OLA1: variants seen among roughly 807,000 people sequenced by gnomAD.
OLA1 encodes the protein Obg like ATPase 1.
A neutral mutation model predicts 48.4 loss-of-function variants in OLA1; 14 were observed. The ratio of observed to expected loss-of-function variants is 0.29; its 90% CI spans 0.19 to 0.45. The LOEUF (loss-of-function observed/expected upper bound fraction) is 0.45. OLA1 is among the 20% of genes least tolerant of loss of function. OLA1 has a pLI of 1.00. For synonymous variants in OLA1, 127 were observed against 150.4 expected, an observed-to-expected ratio of 0.84 and a Z score of 1.14; for missense variants, 325 against 467.1, an observed-to-expected ratio of 0.70 and a Z score of 2.80.
At chr2:174,118,181 C>T (rs78305664) in intron 7 of OLA1, among the ~76,000 whole-genome samples, 78 of 152,276 alleles carry the variant, frequency 5.1e-4, no homozygotes, top group African/African-American at 1.8e-3. Context: ...CCCCTGCGGT[C>T]CAATCGTCTC....
intron 4 of OLA1, among the ~76,000 whole-genome samples, chr2:174,184,342 C>A (rs1574535254): frequency 6.6e-6 from 1 of 152,142 alleles, no homozygotes; most frequent in Admixed American, 6.5e-5. Context: ...GTGAAGTATA[C>A]TTTACCTCTA....
intron 4 of OLA1, among the ~76,000 whole-genome samples, chr2:174,155,794 T>C (rs1183662506): frequency 6.6e-6 from 1 of 150,630 alleles, no homozygotes; most frequent in Non-Finnish European, 1.5e-5. Context: ...TGAATCAGGA[T>C]TAAGGAGGGA....
chr2:174,148,173 G>A (rs2105386106), intron 4 of OLA1, among the ~76,000 whole-genome samples: 1 of 152,312 alleles, frequency 6.6e-6, no homozygotes, highest in Non-Finnish European at 1.5e-5. Context: ...GATAACCTGA[G>A]GTCAGGAGTT....
intron 4 of OLA1, among the ~76,000 whole-genome samples, chr2:174,145,754 TG>T (rs1310671986): frequency 6.6e-6 from 1 of 152,224 alleles, no homozygotes; most frequent in Non-Finnish European, 1.5e-5. Flanking sequence ...GCCAAAAATG[TG>T]AGTAATTATG....
At chr2:174,218,697 G>A (rs1031090362) in intron 4 of OLA1, among the ~76,000 whole-genome samples, 4 of 152,156 alleles carry the variant, frequency 2.6e-5, no homozygotes, top group Non-Finnish European at 5.9e-5. Flanking sequence ...AAACTTCAGC[G>A]AAAACTCTAA....
chr2:174,223,343 T>C (rs1332187722), intron 3 of OLA1, among the ~76,000 whole-genome samples, 183 bp from the exon 4 acceptor site: 2 of 152,216 alleles, frequency 1.3e-5, no homozygotes, highest in Non-Finnish European at 2.9e-5. Context: ...GTAATACATT[T>C]GGACTTTCTT....
intron 4 of OLA1, among the ~76,000 whole-genome samples, chr2:174,219,423 CTTTTTTTTT>C (rs372577919): frequency 1.1e-5 from 1 of 94,928 alleles, no homozygotes; most frequent in African/African-American, 4.4e-5. Flanking sequence ...TTTTATTTCC[CTTTTTTTTT>C]TTTTTTTTTT....
chr2:174,129,953 T>G (rs1486501199), intron 5 of OLA1, among the ~76,000 whole-genome samples: 3 of 152,164 alleles, frequency 2.0e-5, no homozygotes, highest in African/African-American at 7.2e-5. Context: ...ATGAACTGAC[T>G]TATGCTGGTT....
intron 7 of OLA1, among the ~76,000 whole-genome samples, chr2:174,103,502 G>A (rs1261277512): frequency 6.6e-6 from 1 of 152,158 alleles, no homozygotes; most frequent in Non-Finnish European, 1.5e-5. Flanking sequence ...GACAGTATGT[G>A]CTAACCCTGG....
At chr2:174,097,413 A>T (rs1302613258) in intron 7 of OLA1, among the ~76,000 whole-genome samples, 1 of 152,188 alleles carries the variant, frequency 6.6e-6, no homozygotes, top group Non-Finnish European at 1.5e-5. Context: ...CATACATAAA[A>T]CTTTTTTAGG....
At chr2:174,102,251 C>G (rs1352185440) in intron 7 of OLA1, among the ~76,000 whole-genome samples, 2 of 151,938 alleles carry the variant, frequency 1.3e-5, no homozygotes, top group South Asian at 2.1e-4. Context: ...TTTAATAAAG[C>G]CTCCAGATGA....
At chr2:174,127,876 TATA>T (rs1686079391) in intron 5 of OLA1, among the ~76,000 whole-genome samples, 2 of 152,112 alleles carry the variant, frequency 1.3e-5, no homozygotes, top group Admixed American at 1.3e-4. Flanking sequence ...TTCCACCTTT[TATA>T]ATGTTTATCT....
At chr2:174,095,075 T>G (rs1452247253) in intron 7 of OLA1, among the ~76,000 whole-genome samples, 1 of 152,228 alleles carries the variant, frequency 6.6e-6, no homozygotes, top group Non-Finnish European at 1.5e-5. Context: ...GGGTTGCTTC[T>G]ATCGCTAGCT....
intron 7 of OLA1, among the ~76,000 whole-genome samples, chr2:174,084,241 T>C (rs1180798396): frequency 1.3e-5 from 2 of 152,194 alleles, no homozygotes. Flanking sequence ...ATTTTAGCAG[T>C]AAATGAGCAC....
chr2:174,159,740 A>C (rs1411285745), intron 4 of OLA1, among the ~76,000 whole-genome samples: 1 of 152,144 alleles, frequency 6.6e-6, no homozygotes, highest in African/African-American at 2.4e-5. Flanking sequence ...GTTATTATCC[A>C]TCAGTATTGC....
chr2:174,158,132 T>G (rs975468885), intron 4 of OLA1, among the ~76,000 whole-genome samples: 2 of 152,204 alleles, frequency 1.3e-5, no homozygotes, highest in Non-Finnish European at 2.9e-5. Flanking sequence ...TATAACGTCC[T>G]AGTCAGTCTA....
At chr2:174,118,844 A>T (rs939135573) in intron 7 of OLA1, among the ~76,000 whole-genome samples, 8 of 152,318 alleles carry the variant, frequency 5.3e-5, no homozygotes, top group Admixed American at 3.9e-4. Context: ...CAAAAAATAC[A>T]AACAGGCCAA....
chr2:174,099,791 T>C (rs1456804237), intron 7 of OLA1, among the ~76,000 whole-genome samples: 3 of 152,218 alleles, frequency 2.0e-5, no homozygotes, highest in Non-Finnish European at 4.4e-5. Context: ...ATCAAAATAA[T>C]AATCATAAAT....
chr2:174,205,951 G>C lies in OLA1; in HGVS notation c.373+17082C>G, dbSNP rs565799062. Among the ~76,000 whole-genome samples the C allele has an allele frequency of 1.9e-3, 285 of 152,206 alleles. 1 individual carries two copies. In the Middle Eastern group the frequency reaches 0.031, roughly 16 times the overall value. On this transcript the variant is annotated intron_variant, in intron 4 of 10. Transcript: ENST00000284719. ...GCCCTGCCTTTCCTTCAACTGCCAG[G>C]GCTAGCAAATGGCACTACCAAGCCA...
Sources: allele counts gnomAD v4.1 joint callset (sites outside exome capture counted in the v4.1 genomes callset), GRCh38; gene constraint gnomAD v4.1.1; transcripts MANE v1.5; gene names NCBI Gene and HGNC (gene_info 2026-07-23, HGNC 2026-07-21).